Variants in SLC6A14 observed in about 807,000 individuals in gnomAD.
The protein encoded by SLC6A14 is sodium- and chloride-dependent neutral and basic amino acid transporter B(0+).
A neutral mutation model predicts 51.4 loss-of-function variants in SLC6A14; 21 were observed. The observed-to-expected ratio is 0.41, with a 90% CI of 0.29 to 0.59. The LOEUF is 0.59. Ranked by LOEUF, SLC6A14 falls within the 20% of genes least tolerant of loss-of-function variation. SLC6A14 has a pLI of 0.31. For synonymous variants in SLC6A14, 177 were observed against 160.7 expected (o/e 1.10, Z -0.77); for missense variants, 371 against 472.8 (o/e 0.78, Z 2.00).
At chrX:116,444,089 A>G (rs1927656359) in intron 5 of SLC6A14, among the ~76,000 whole-genome samples, 1 of 111,990 alleles carries the variant, frequency 8.9e-6, no homozygotes, top group South Asian at 3.7e-4. Flanking sequence ...AAGAAAACAC[A>G]TACAAATTTT....
At position 116,437,844 on chromosome X, in the gene SLC6A14, G is replaced by A. The variant is rs200267441; in HGVS notation, c.103G>A (p.Asp35Asn). 3.3e-6 allele frequency: 4 copies of A among 1,206,524 alleles called. No individual in the cohort carries two copies. The African/African-American group carries it at 5.2e-5, about 16-fold the overall frequency. Residue 35 changes from aspartate to asparagine, a missense_variant, in exon 2 of 14, where the codon GAC becomes AAC. Coordinates refer to ENST00000598581, the MANE Select transcript of SLC6A14 (RefSeq NM_007231.5). ...FHVGENDENQDRGNWSKKSDY... is the reference protein window; with the variant it reads ...FHVGENDENQNRGNWSKKSDY... ...TGTTGGTGAAAATGATGAGAATCAG[G>A]ACCGTGGTAACTGGTCCAAAAAATC...
At chrX:116,453,274 T>A (rs111705478) in intron 9 of SLC6A14, 132 bp downstream of exon 9, 11 of 476,363 alleles carry the variant, frequency 2.3e-5, no homozygotes, top group Non-Finnish European at 2.8e-5. Context: ...TTTCTGAAAG[T>A]TGCTTTAAAT....
In SLC6A14 at chrX:116,446,793, T is replaced by C. The variant is rs782137310; in HGVS notation, c.842T>C (p.Val281Ala). 2.0e-5 allele frequency: 24 copies of C among 1,199,368 alleles called. No homozygotes were observed. The highest frequency in any genetic ancestry group is 1.9e-5 in the Non-Finnish European group (17 of 885,938). ...FPYVVLLILL[V>A]RGATLEGASK... is the part of the protein sequence containing the mutation. ...TATGTGGTCCTACTCATCCTGTTAGTACGAGGTGCAACTCTGGAGGGTGCT... is the reference window on the plus strand; with the variant it reads ...TATGTGGTCCTACTCATCCTGTTAGCACGAGGTGCAACTCTGGAGGGTGCT... The change falls in exon 7 of 14, where the codon GTA becomes GCA. Residue 281 changes from valine to alanine, a missense_variant. Transcript: ENST00000598581.
chrX:116,441,527 A>AT (rs1411331418), intron 3 of SLC6A14, among the ~76,000 whole-genome samples: 1 of 111,633 alleles, frequency 9.0e-6, no homozygotes, highest in African/African-American at 3.3e-5. Context: ...GTAGGCCACC[A>AT]TTTTTTTTCT....
At chrX:116,437,591 C>T in intron 1 of SLC6A14, among the ~76,000 whole-genome samples, 199 bp from the exon 2 acceptor site, 1 of 111,866 alleles carries the variant, frequency 8.9e-6, no homozygotes, top group East Asian at 2.8e-4. Flanking sequence ...CAGAACTTTG[C>T]TCATTTTAAG....
rs1928040513 is a variant in SLC6A14 at position 116,460,865 on chromosome X, G to C, written c.*1910G>C. The C allele has an allele frequency of 9.0e-6, 1 of 111,077 alleles. No individual in the cohort carries two copies. The highest frequency in any genetic ancestry group is 3.8e-4 in the South Asian group (1 of 2,652). 9.2% of individuals were successfully genotyped at this position (111,077 alleles called of 1,213,427 possible). ...TTACAGGTGTGAGCCACCGTGCCCG[G>C]CCCATTCTAAGGGTTTTCTTTGAAG... On this transcript the variant is annotated 3_prime_UTR_variant, in exon 14 of 14. Transcript: ENST00000598581.
chrX:116,455,404 A>G lies in SLC6A14; in HGVS notation c.1552A>G (p.Arg518Gly). Residue 518 changes from arginine (R) to glycine (G), a missense_variant, in exon 12 of 14, where the codon AGG becomes GGG. Around this residue, in one of 2 missense-constraint regions of SLC6A14, gnomAD observed 277 missense variants for 391.8 expected, o/e 0.71. Transcript: ENST00000598581. ...EDTEMMIGAKRWIFWLWWRAC... is the reference protein window; with the variant it reads ...EDTEMMIGAKGWIFWLWWRAC... ...TACAGAAATGATGATTGGAGCAAAG[A>G]GGTGGATATTCTGGCTATGGTGGAG... 8.3e-7 allele frequency: 1 copy of G among 1,208,372 alleles called. No individual in the cohort carries two copies. The highest frequency in any genetic ancestry group is 1.1e-6 in the Non-Finnish European group (1 of 893,085).
chrX:116,456,150 G>A (rs782281753), intron 12 of SLC6A14, among the ~76,000 whole-genome samples: 1 of 110,998 alleles, frequency 9.0e-6, no homozygotes, highest in Admixed American at 9.6e-5. Flanking sequence ...ACACTACACT[G>A]GAGGGAGAAT....
chrX:116,455,259 T>A lies in SLC6A14; in HGVS notation c.1505-98T>A. ...ACAGGTGTATGATTCATTGTTGTGG[T>A]AGAGAAAAATGTTTAGACACAGAAA... On this transcript the variant is annotated intron_variant, in intron 11 of 13. Coordinates refer to ENST00000598581, the MANE Select transcript of SLC6A14 (RefSeq NM_007231.5). The A allele has an allele frequency of 4.2e-6, 3 of 722,192 alleles. No individual in the cohort carries two copies. The South Asian group carries it at 7.4e-5, about 18-fold the overall frequency. The allele number at this position is 722,192 out of a possible 1,213,427, so 59.5% of individuals were successfully genotyped here. A position where few individuals can be genotyped will look rare whatever the true frequency, so the allele number is the denominator to read the frequency against.
chrX:116,451,115 G>A (rs1340662203), intron 7 of SLC6A14, among the ~76,000 whole-genome samples: 1 of 111,856 alleles, frequency 8.9e-6, no homozygotes. Context: ...AAAATGGCAC[G>A]TTGTATATGT....
chrX:116,455,535 C>T lies in SLC6A14; in HGVS notation c.1614+69C>T, dbSNP rs782019166. 17 of 709,075 alleles carry T rather than the reference C, an allele frequency of 2.4e-5. No homozygotes were observed. The East Asian group carries it at 5.0e-4, about 21-fold the overall frequency. The allele number at this position is 709,075 out of a possible 1,213,427, so 58.4% of individuals were successfully genotyped here. Reference sequence around the variant, plus strand: ...GTTCTAAGATAAACTTAATAATTCACATTGAAGACAAAAGGCAAATTAATT... The same window carrying T: ...GTTCTAAGATAAACTTAATAATTCATATTGAAGACAAAAGGCAAATTAATT... On this transcript the variant is annotated intron_variant, in intron 12 of 13. Transcript: ENST00000598581.
intron 1 of SLC6A14, among the ~76,000 whole-genome samples, chrX:116,437,308 G>A (rs1462697509): frequency 1.8e-5 from 2 of 108,409 alleles, no homozygotes; most frequent in Admixed American, 9.9e-5. Flanking sequence ...ATAGATTCTC[G>A]TTTTTTTTTC....
chrX:116,458,467 A>G (rs1234861705), intron 13 of SLC6A14, among the ~76,000 whole-genome samples: 1 of 111,367 alleles, frequency 9.0e-6, no homozygotes, highest in Admixed American at 9.5e-5. Context: ...TCCTCATCCT[A>G]AGGCCAGGAT....
At chrX:116,449,824 G>A (rs140854579) in intron 7 of SLC6A14, among the ~76,000 whole-genome samples, 2,523 of 111,604 alleles carry the variant, frequency 0.023, 80 homozygotes, top group African/African-American at 0.079. Context: ...GATCAATAAG[G>A]GAAGGGATGA....
At position 116,458,993 on chromosome X, in the gene SLC6A14, T is replaced by C. The variant is rs782215735; in HGVS notation, c.*38T>C. 1.6e-5 allele frequency: 17 copies of C among 1,074,424 alleles called. No individual in the cohort carries two copies. The East Asian group carries it at 5.0e-4, about 32-fold the overall frequency. 88.5% of individuals were successfully genotyped at this position (1,074,424 alleles called of 1,213,427 possible). Reference sequence around the variant, plus strand: ...AAAAATATATGATTGTATAATGTGATTTTTTTTAGAATAGGGGGAACCTTA... The same window carrying C: ...AAAAATATATGATTGTATAATGTGACTTTTTTTAGAATAGGGGGAACCTTA... On this transcript the variant is annotated 3_prime_UTR_variant, in exon 14 of 14. Coordinates refer to ENST00000598581, the MANE Select transcript of SLC6A14 (RefSeq NM_007231.5).
rs190952672 is a variant in SLC6A14 at position 116,449,977 on chromosome X, G to T, written c.931-1465G>T. On this transcript the variant is annotated intron_variant, in intron 7 of 13. Transcript: ENST00000598581. ...ATATCATTCACATATCACATATATT[G>T]ATATGCACAATATCCATTTTAGGTG... Among the ~76,000 whole-genome samples the T allele has an allele frequency of 3.1e-3, 351 of 111,881 alleles. 1 individual carries two copies. The highest frequency in any genetic ancestry group is 0.011 in the African/African-American group (330 of 30,794).
At chrX:116,447,605 C>T (rs200161422) in intron 7 of SLC6A14, among the ~76,000 whole-genome samples, 2,142 of 73,485 alleles carry the variant, frequency 0.029, 65 homozygotes, top group African/African-American at 0.094. Flanking sequence ...TTTTTTTTTT[C>T]TTTTTTTTTT....
chrX:116,440,869 A>AT, intron 2 of SLC6A14, 97 bp from the exon 3 acceptor site: 1 of 937,259 alleles, frequency 1.1e-6, no homozygotes, highest in Non-Finnish European at 1.5e-6. Flanking sequence ...TTTGATTCCA[A>AT]TATATCAGGA....
intron 3 of SLC6A14, among the ~76,000 whole-genome samples, chrX:116,442,411 T>G (rs997676141): frequency 1.1e-4 from 12 of 110,582 alleles, no homozygotes; most frequent in African/African-American, 3.9e-4. Context: ...ACTACAGGCA[T>G]GCACCACCAC....
Sources: gnomAD v4.1 joint callset for allele counts (sites outside exome capture counted in the v4.1 genomes callset) on GRCh38, gnomAD v4.1.1 for gene constraint, gnomAD v4.1.1 regional missense constraint, MANE v1.5 for transcripts, NCBI Gene and HGNC (gene_info 2026-07-23, HGNC 2026-07-21) for gene names.